The following HPCAL1 variants were observed in gnomAD, a reference collection of about 807,000 sequenced individuals.
The protein encoded by HPCAL1 is hippocalcin-like protein 1.
In HPCAL1, 8 loss-of-function variants were observed where a neutral mutation model predicts 17.1. The observed-to-expected ratio is 0.47, with a 90% confidence interval of 0.27 to 0.84. The LOEUF (loss-of-function observed/expected upper bound fraction) is 0.84, where lower values mean the gene tolerates loss of function less well. Among genes scored for constraint, HPCAL1 ranks in the 40% least tolerant of loss-of-function variants. HPCAL1 has a pLI of 0.13. For missense variants in HPCAL1, 165 were observed against 271.1 expected (o/e 0.61, Z 2.75); for synonymous variants, 112 against 111.4 (o/e 1.01, Z -0.03).
At chr2:10,378,979 CA>C (rs556364854) in intron 1 of HPCAL1, among the ~76,000 whole-genome samples, 286 of 152,256 alleles carry the variant, frequency 1.9e-3, no homozygotes, top group African/African-American at 6.7e-3. Context: ...GTATTTGTTT[CA>C]GGTCCCGCTT....
At chr2:10,337,536 G>T (rs566397766) in intron 1 of HPCAL1, among the ~76,000 whole-genome samples, 1 of 151,946 alleles carries the variant, frequency 6.6e-6, no homozygotes, top group African/African-American at 2.4e-5. Flanking sequence ...TTATTTCCAC[G>T]TTTTATTTAC....
chr2:10,329,117 C>T (rs1195281340), intron 1 of HPCAL1, among the ~76,000 whole-genome samples: 1 of 152,148 alleles, frequency 6.6e-6, no homozygotes, highest in African/African-American at 2.4e-5. Flanking sequence ...ATGTGAGCCG[C>T]CACTGTTGGT....
chr2:10,384,322 G>T lies in HPCAL1; in HGVS notation c.-110-12513G>T, dbSNP rs1248506763. On this transcript the variant is annotated intron_variant, in intron 1 of 4. Transcript: ENST00000307845. The surrounding 1 kb of genome is among the most constrained non-coding windows in gnomAD (Gnocchi z 4.4). The stretch of plus-strand genomic sequence containing the variant: ...AAAATACCCCTTGTGGGAGGAGAGG[G>T]GTGGAGGGAGAGAACACCCTCCACA... Among the ~76,000 whole-genome samples the T allele has an allele frequency of 1.3e-5, 2 of 152,128 alleles. No homozygotes were observed. The highest frequency in any genetic ancestry group is 6.5e-5 in the Admixed American group (1 of 15,288).
intron 1 of HPCAL1, among the ~76,000 whole-genome samples, chr2:10,388,360 T>A (rs1558508626): frequency 6.6e-6 from 1 of 152,150 alleles, no homozygotes; most frequent in East Asian, 1.9e-4. Context: ...GGAGCCATGG[T>A]GAGGGTGGCA....
At chr2:10,329,058 G>C (rs1227757789) in intron 1 of HPCAL1, among the ~76,000 whole-genome samples, 1 of 152,096 alleles carries the variant, frequency 6.6e-6, no homozygotes, top group Non-Finnish European at 1.5e-5. Flanking sequence ...TCCAACTCCT[G>C]GGTTCAAGTG....
chr2:10,390,089 G>A (rs1008220647), intron 1 of HPCAL1, among the ~76,000 whole-genome samples: 1 of 152,230 alleles, frequency 6.6e-6, no homozygotes, highest in Non-Finnish European at 1.5e-5. Flanking sequence ...AGGGATCCCT[G>A]CCAGTCAGTT....
At chr2:10,388,862 T>C (rs1668502040) in intron 1 of HPCAL1, among the ~76,000 whole-genome samples, 2 of 152,184 alleles carry the variant, frequency 1.3e-5, no homozygotes, top group Non-Finnish European at 2.9e-5. Context: ...ATTCCTGTGC[T>C]GAGACCCTCA....
At chr2:10,311,305 G>A (rs544301172) in intron 1 of HPCAL1, among the ~76,000 whole-genome samples, 3 of 152,326 alleles carry the variant, frequency 2.0e-5, no homozygotes, top group Admixed American at 6.5e-5. Context: ...TGTGGCTGCC[G>A]TGGCTTCTCT....
intron 1 of HPCAL1, among the ~76,000 whole-genome samples, chr2:10,380,402 G>C (rs978834714): frequency 5.3e-5 from 8 of 152,134 alleles, no homozygotes; most frequent in Non-Finnish European, 8.8e-5. Flanking sequence ...TGCGCTGCTT[G>C]TGTTGTTGAA....
chr2:10,310,600 T>C lies in HPCAL1; in HGVS notation c.-111+7423T>C, dbSNP rs1662893006. Among the ~76,000 whole-genome samples, 1 of 152,118 alleles carries C rather than the reference T, an allele frequency of 6.6e-6. No homozygotes were observed. Among genetic ancestry groups the C allele is most frequent in the Admixed American group, 6.6e-5 (1 of 15,266 alleles). On this transcript the variant is annotated intron_variant, in intron 1 of 4. Coordinates refer to ENST00000307845, the MANE Select transcript of HPCAL1 (RefSeq NM_002149.4). This position sits in a 1 kb window ranked among gnomAD's most constrained non-coding sequence, Gnocchi z 4.5. ...CATCTGTCAGGGTCCCTGATGCACC[T>C]ACAGAGACCCTGAGCTTGGTGGTGG...
At chr2:10,396,669 C>T (rs1057378435) in intron 1 of HPCAL1, among the ~76,000 whole-genome samples, 166 bp from the exon 2 acceptor site, 4 of 152,330 alleles carry the variant, frequency 2.6e-5, no homozygotes, top group Admixed American at 6.5e-5. Flanking sequence ...GTGCCCCTGT[C>T]CATGGTGGCT....
intron 1 of HPCAL1, among the ~76,000 whole-genome samples, chr2:10,375,447 G>A (rs952180168): frequency 3.9e-5 from 6 of 152,124 alleles, no homozygotes; most frequent in Non-Finnish European, 8.8e-5. Flanking sequence ...TCAGAGCCGT[G>A]GGGGAGGGGG....
intron 1 of HPCAL1, chr2:10,324,489 G>C (rs1663865244): frequency 6.6e-6 from 1 of 152,210 alleles, no homozygotes; most frequent in African/African-American, 2.4e-5. Context: ...TCGCTTTGGG[G>C]ATAGCCATTG....
chr2:10,423,428 G>T, intron 4 of HPCAL1: 1 of 252,292 alleles, frequency 4.0e-6, no homozygotes, highest in Non-Finnish European at 7.9e-6. Context: ...ACCTGGAGGG[G>T]TTGAGATCAA....
At chr2:10,370,139 C>T (rs1667118999) in intron 1 of HPCAL1, among the ~76,000 whole-genome samples, 1 of 152,250 alleles carries the variant, frequency 6.6e-6, no homozygotes, top group Non-Finnish European at 1.5e-5. Flanking sequence ...CTAATCTGCG[C>T]ACCCTCTTTC....
chr2:10,407,225 C>A (rs1670030270), intron 2 of HPCAL1, among the ~76,000 whole-genome samples: 1 of 152,174 alleles, frequency 6.6e-6, no homozygotes, highest in Non-Finnish European at 1.5e-5. Flanking sequence ...TGTTTCCATG[C>A]CAGAAAACAG....
chr2:10,357,088 G>A lies in HPCAL1; in HGVS notation c.-110-39747G>A, dbSNP rs147925751. ...TGATTGCACCACTGCACTCCAGCCTGGGTGACACAGCGAGACTCTGTGTCT... is the reference window on the plus strand; with the variant it reads ...TGATTGCACCACTGCACTCCAGCCTAGGTGACACAGCGAGACTCTGTGTCT... On this transcript the variant is annotated intron_variant, in intron 1 of 4. Transcript: ENST00000307845. Among the ~76,000 whole-genome samples, 324 of 152,276 alleles carry A rather than the reference G, an allele frequency of 2.1e-3. 4 individuals are homozygous for A. The East Asian group carries it at 0.025, about 12-fold the overall frequency.
At chr2:10,381,990 T>C (rs1279034860) in intron 1 of HPCAL1, among the ~76,000 whole-genome samples, 2 of 152,260 alleles carry the variant, frequency 1.3e-5, no homozygotes, top group Admixed American at 6.5e-5. Flanking sequence ...AGCGACTTTA[T>C]TCACGATTAT....
intron 4 of HPCAL1, chr2:10,423,526 G>A (rs1354844221): frequency 1.1e-5 from 2 of 182,146 alleles, no homozygotes; most frequent in Non-Finnish European, 2.4e-5. Context: ...TGGCCCCAGT[G>A]TCCAAGGGGA....
Sources: allele counts gnomAD v4.1 joint callset (sites outside exome capture counted in the v4.1 genomes callset), GRCh38; gene constraint gnomAD v4.1.1; non-coding constraint Gnocchi (gnomAD v3.1); transcripts MANE v1.5; gene names NCBI Gene and HGNC (gene_info 2026-07-23, HGNC 2026-07-21).